The following MALRD1 variants were observed in gnomAD, a reference collection of about 807,000 sequenced individuals.
MALRD1 encodes the protein MAM and LDL-receptor class A domain-containing protein 1.
MALRD1 carries 247 observed loss-of-function variants against 242.1 expected under a neutral mutation model. That is an observed-to-expected ratio of 1.02 (90% CI 0.92 to 1.13). The LOEUF (loss-of-function observed/expected upper bound fraction) is 1.13, where lower values mean the gene tolerates loss of function less well. Among genes scored for constraint, MALRD1 ranks in the 50% most tolerant of loss-of-function variants. The pLI is 0.00. For missense variants in MALRD1, 2,989 were observed against 2,533.1 expected (o/e 1.18, Z -3.86); for synonymous variants, 995 against 866.6 (o/e 1.15, Z -2.60).
At chr10:19,078,748 T>G (rs966865362) in intron 2 of MALRD1, among the ~76,000 whole-genome samples, 4 of 151,874 alleles carry the variant, frequency 2.6e-5, no homozygotes, top group African/African-American at 9.7e-5. Flanking sequence ...TTTGGTAGTT[T>G]GTGTCTTTCT....
At chr10:19,472,715 A>T (rs1368641358) in intron 29 of MALRD1, among the ~76,000 whole-genome samples, 1 of 151,514 alleles carries the variant, frequency 6.6e-6, no homozygotes, top group Admixed American at 6.6e-5. Context: ...GTATCATATG[A>T]TCCTTTGTAT....
intron 14 of MALRD1, among the ~76,000 whole-genome samples, chr10:19,197,798 G>T (rs1440809500): frequency 6.6e-6 from 1 of 151,596 alleles, no homozygotes; most frequent in Non-Finnish European, 1.5e-5. Flanking sequence ...TGTTTTTATT[G>T]TTATCTCCAC....
At chr10:19,673,256 G>A (rs988622353) in intron 36 of MALRD1, among the ~76,000 whole-genome samples, 14 of 151,984 alleles carry the variant, frequency 9.2e-5, no homozygotes, top group Non-Finnish European at 1.6e-4. Context: ...GCATGGTGGC[G>A]GGCGCCTGTA....
At chr10:19,171,541 TATGTCTATGTGTGTATATAAATAC>T (rs1588646868) in intron 13 of MALRD1, among the ~76,000 whole-genome samples, 20 of 143,388 alleles carry the variant, frequency 1.4e-4, no homozygotes, top group Admixed American at 4.2e-4. Flanking sequence ...CACACATATA[TATGTCTATGTGTGTATATAAATAC>T]ACACACACAT....
intron 12 of MALRD1, among the ~76,000 whole-genome samples, chr10:19,163,382 T>G (rs541007543): frequency 2.2e-4 from 33 of 151,614 alleles, no homozygotes; most frequent in African/African-American, 8.0e-4. Context: ...GCCATTATCC[T>G]TAGCAAACTA....
chr10:19,174,286 C>T (rs1835129031), intron 13 of MALRD1, among the ~76,000 whole-genome samples: 1 of 152,072 alleles, frequency 6.6e-6, no homozygotes, highest in Non-Finnish European at 1.5e-5. Flanking sequence ...ATGGCTGGCT[C>T]TCACAAAGGA....
chr10:19,728,434 G>A (rs1835140748), intron 38 of MALRD1: 1 of 152,160 alleles, frequency 6.6e-6, no homozygotes, highest in Non-Finnish European at 1.5e-5. Context: ...CGTGGTCTGG[G>A]TCATCTGGAG....
intron 14 of MALRD1, among the ~76,000 whole-genome samples, chr10:19,197,457 T>C (rs907628816): frequency 6.6e-6 from 1 of 152,284 alleles, no homozygotes; most frequent in African/African-American, 2.4e-5. Context: ...CCAAAAAAAT[T>C]GAAGTGACTG....
At chr10:19,658,981 G>GT (rs1233722025) in intron 36 of MALRD1, among the ~76,000 whole-genome samples, 1 of 152,154 alleles carries the variant, frequency 6.6e-6, no homozygotes, top group Non-Finnish European at 1.5e-5. Context: ...TTTGTTATCT[G>GT]TAAGTGTTTT....
At chr10:19,245,361 A>G (rs1838995271) in intron 18 of MALRD1, among the ~76,000 whole-genome samples, 1 of 152,154 alleles carries the variant, frequency 6.6e-6, no homozygotes, top group South Asian at 2.1e-4. Flanking sequence ...CAAGGTACAA[A>G]CTGAATCCTC....
chr10:19,578,132 A>T (rs140498137), intron 33 of MALRD1, among the ~76,000 whole-genome samples: 5 of 135,562 alleles, frequency 3.7e-5, no homozygotes, highest in Non-Finnish European at 8.1e-5. Context: ...TAATAGTCTA[A>T]GTTTTAAGAA....
intron 2 of MALRD1, among the ~76,000 whole-genome samples, chr10:19,071,875 G>A (rs919497397): frequency 1.1e-4 from 17 of 152,080 alleles, no homozygotes; most frequent in Non-Finnish European, 4.4e-5. Context: ...AAAATTTAAT[G>A]TCCATTTATT....
chr10:19,378,365 A>G (rs544865453), intron 26 of MALRD1, among the ~76,000 whole-genome samples: 4 of 152,290 alleles, frequency 2.6e-5, no homozygotes, highest in Admixed American at 1.3e-4. Flanking sequence ...TATGTTGTCA[A>G]AACCCCTTCT....
At position 19,347,921 on chromosome 10, in the gene MALRD1, G is replaced by A; in HGVS notation, c.4052G>A (p.Gly1351Asp). The stretch of plus-strand genomic sequence containing the variant: ...GATCACACTTTGGGAAATTCATCTG[G>A]TCATTACATCTTTATAAAGAGTTTG... Reference protein sequence around the residue: ...AADHTLGNSSGHYIFIKSLFP... With the variant: ...AADHTLGNSSDHYIFIKSLFP... The change falls in exon 25 of 40, where the codon GGT becomes GAT. Residue 1351 changes from glycine (G) to aspartate (D), a missense_variant. By Grantham distance (94) the Gly-to-Asp change is moderately conservative. Coordinates refer to ENST00000454679, the MANE Select transcript of MALRD1 (RefSeq NM_001142308.3). The A allele has an allele frequency of 1.3e-6, 2 of 1,550,272 alleles. No individual in the cohort carries two copies. The highest frequency in any genetic ancestry group is 1.7e-6 in the Non-Finnish European group (2 of 1,146,810).
chr10:19,066,663 A>G, intron 1 of MALRD1, 56 bp from the exon 2 acceptor site: 2 of 1,201,602 alleles, frequency 1.7e-6, no homozygotes, highest in African/African-American at 3.1e-5. Flanking sequence ...CTATTGTCTT[A>G]TTTTTTAAAA....
chr10:19,553,544 C>A (rs1412293595), intron 32 of MALRD1, among the ~76,000 whole-genome samples: 1 of 151,582 alleles, frequency 6.6e-6, no homozygotes, highest in African/African-American at 2.4e-5. Context: ...TGTTTAAATC[C>A]CCTATTTAAA....
chr10:19,507,566 A>G (rs1310980053), intron 31 of MALRD1, among the ~76,000 whole-genome samples: 1 of 152,202 alleles, frequency 6.6e-6, no homozygotes, highest in East Asian at 1.9e-4. Context: ...ACTGAAACAT[A>G]ACAAAGAATA....
chr10:19,063,602 C>A (rs1210894379), intron 1 of MALRD1, among the ~76,000 whole-genome samples: 1 of 151,002 alleles, frequency 6.6e-6, no homozygotes, highest in African/African-American at 2.4e-5. Context: ...CATGTCCCTA[C>A]AAAGGACATG....
At chr10:19,122,377 C>T (rs983952408) in intron 5 of MALRD1, among the ~76,000 whole-genome samples, 1 of 151,994 alleles carries the variant, frequency 6.6e-6, no homozygotes, top group Non-Finnish European at 1.5e-5. Flanking sequence ...AGAGTGGTGG[C>T]AAAGGTTGTT....
Sources: gnomAD v4.1 joint callset for allele counts (sites outside exome capture counted in the v4.1 genomes callset) on GRCh38, gnomAD v4.1.1 for gene constraint, MANE v1.5 for transcripts, NCBI Gene and HGNC (gene_info 2026-07-23, HGNC 2026-07-21) for gene names.